Variants in CREB5 observed in about 807,000 individuals in gnomAD.
CREB5 encodes the protein cAMP responsive element binding protein 5, also known as cyclic AMP-responsive element-binding protein 5.
CREB5 carries 19 observed loss-of-function variants against 57.1 expected under a neutral mutation model. The observed-to-expected ratio is 0.33, with a 90% CI of 0.23 to 0.49. CREB5 has a LOEUF of 0.49. CREB5 is among the 20% of genes least tolerant of loss of function. The pLI, the probability that CREB5 is intolerant of heterozygous loss-of-function variation, is 0.99. For missense variants in CREB5, 579 were observed against 671.6 expected, an observed-to-expected ratio of 0.86 and a Z score of 1.52; for synonymous variants, 238 against 238.3, an observed-to-expected ratio of 1.00 and a Z score of 0.01.
intron 4 of CREB5, among the ~76,000 whole-genome samples, chr7:28,548,217 G>A (rs918742597): frequency 2.0e-5 from 3 of 152,110 alleles, no homozygotes; most frequent in African/African-American, 7.2e-5. Context: ...GACGTTCTGT[G>A]CCTTGAAACT....
intron 4 of CREB5, among the ~76,000 whole-genome samples, chr7:28,517,546 G>A (rs890125869): frequency 6.6e-6 from 1 of 152,184 alleles, no homozygotes; most frequent in Non-Finnish European, 1.5e-5. Context: ...TAGGAAAGTT[G>A]ATCAAACGGT....
At chr7:28,312,532 C>T (rs1439052680) in intron 1 of CREB5, among the ~76,000 whole-genome samples, 6 of 152,056 alleles carry the variant, frequency 3.9e-5, no homozygotes, top group Admixed American at 1.3e-4. Flanking sequence ...CGGGTGGAGG[C>T]GAAGGAACGT....
chr7:28,816,506 A>C (rs1809447218), intron 9 of CREB5, among the ~76,000 whole-genome samples: 2 of 152,236 alleles, frequency 1.3e-5, no homozygotes, highest in African/African-American at 4.8e-5. Context: ...TGTAAAAATA[A>C]AGTTTGGAAG....
intron 5 of CREB5, among the ~76,000 whole-genome samples, chr7:28,628,713 T>C (rs983351703): frequency 6.6e-6 from 1 of 152,186 alleles, no homozygotes; most frequent in African/African-American, 2.4e-5. Context: ...CTGCATGTTA[T>C]TGATTTTCAT....
intron 7 of CREB5, among the ~76,000 whole-genome samples, chr7:28,771,480 C>A (rs1806319122): frequency 6.6e-6 from 1 of 152,146 alleles, no homozygotes; most frequent in Non-Finnish European, 1.5e-5. Flanking sequence ...ATTAGGGCCC[C>A]TCATCCTCTT....
chr7:28,395,026 A>G (rs1787308799), intron 1 of CREB5, among the ~76,000 whole-genome samples: 1 of 152,170 alleles, frequency 6.6e-6, no homozygotes, highest in South Asian at 2.1e-4. Context: ...CTGAAGGGGG[A>G]AAAGGATGAC....
At chr7:28,396,585 T>G (rs976439365) in intron 1 of CREB5, among the ~76,000 whole-genome samples, 2 of 152,218 alleles carry the variant, frequency 1.3e-5, no homozygotes, top group African/African-American at 4.8e-5. Flanking sequence ...AGTCATGATG[T>G]CAGGAGGATA....
intron 1 of CREB5, among the ~76,000 whole-genome samples, chr7:28,336,851 G>C (rs1785832625): frequency 6.6e-6 from 1 of 151,148 alleles, no homozygotes. Flanking sequence ...TTCCCTCTTA[G>C]TACTGCTTTT....
chr7:28,304,895 A>G (rs905159043), intron 1 of CREB5, among the ~76,000 whole-genome samples: 2 of 152,222 alleles, frequency 1.3e-5, no homozygotes, highest in Admixed American at 6.5e-5. Context: ...CTGGAAGAAT[A>G]TACACTGAAG....
At chr7:28,401,889 T>C (rs1242390590) in intron 1 of CREB5, among the ~76,000 whole-genome samples, 1 of 152,242 alleles carries the variant, frequency 6.6e-6, no homozygotes. Context: ...CTTGTGTCTT[T>C]ATAGCAGCAT....
intron 5 of CREB5, among the ~76,000 whole-genome samples, chr7:28,713,829 A>G (rs368968845): frequency 2.0e-5 from 3 of 152,300 alleles, no homozygotes; most frequent in East Asian, 3.9e-4. Context: ...TTTAATAACA[A>G]TGACATCTGG....
intron 5 of CREB5, among the ~76,000 whole-genome samples, chr7:28,651,741 T>C (rs548722185): frequency 6.6e-6 from 1 of 152,328 alleles, no homozygotes; most frequent in East Asian, 1.9e-4. Context: ...CAAGGTGCTG[T>C]TTTGCATTCT....
rs188571923 is a variant in CREB5, at chr7:28,533,770, G to A, written c.291+26033G>A. Among the ~76,000 whole-genome samples, 324 of 152,274 alleles carry A rather than the reference G, an allele frequency of 2.1e-3. 1 individual carries two copies. The highest frequency in any genetic ancestry group is 4.1e-3 in the Non-Finnish European group (278 of 68,028). On this transcript the variant is annotated intron_variant, in intron 4 of 10. Transcript: ENST00000357727. ...ACTTCTTGATACAGCAACCAAACCT[G>A]AATATATTGTGAGGTTCCCATCCCA...
In CREB5 at chr7:28,814,306, T is replaced by G. The variant is rs1259479587; in HGVS notation, c.1255-3765T>G. On this transcript the variant is annotated intron_variant, in intron 9 of 10. Coordinates refer to ENST00000357727, the MANE Select transcript of CREB5 (RefSeq NM_182898.4). Reference sequence around the variant, plus strand: ...ATGCATGTGCACAGCACACAATTCATTCTTCTTTCTCTAGGATAGTGATTC... The same window carrying G: ...ATGCATGTGCACAGCACACAATTCAGTCTTCTTTCTCTAGGATAGTGATTC... 3.9e-5 allele frequency among the ~76,000 whole-genome samples: 6 copies of G among 152,382 alleles called. No individual in the cohort carries two copies. In the South Asian group the frequency reaches 6.2e-4, roughly 16 times the overall value.
At chr7:28,799,663 A>T (rs1011752846) in intron 7 of CREB5, among the ~76,000 whole-genome samples, 7 of 152,192 alleles carry the variant, frequency 4.6e-5, no homozygotes. Context: ...TCCTACATAG[A>T]TTTTTTTATT....
At chr7:28,417,965 A>G (rs1788090587) in intron 1 of CREB5, among the ~76,000 whole-genome samples, 1 of 152,190 alleles carries the variant, frequency 6.6e-6, no homozygotes, top group Non-Finnish European at 1.5e-5. Flanking sequence ...TTAGGATTTG[A>G]TTTACATGTA....
At position 28,472,525 on chromosome 7, in the gene CREB5, G is replaced by A. The variant is rs76403907; in HGVS notation, c.4-15650G>A. On this transcript the variant is annotated intron_variant, in intron 1 of 10. Coordinates refer to ENST00000357727, the MANE Select transcript of CREB5 (RefSeq NM_182898.4). ...GGCCGGTGGTGGCTATGTCACAGGG[G>A]CTGTGTTCTTTCTACCCCTCACCGC... Among the ~76,000 whole-genome samples, 681 of 152,198 alleles carry A rather than the reference G, an allele frequency of 4.5e-3. 4 individuals are homozygous for A. Among genetic ancestry groups the A allele is most frequent in the Non-Finnish European group, 7.4e-3 (501 of 67,994 alleles).
intron 1 of CREB5, among the ~76,000 whole-genome samples, chr7:28,450,709 A>C (rs1583477385): frequency 6.6e-6 from 1 of 152,214 alleles, no homozygotes; most frequent in African/African-American, 2.4e-5. Flanking sequence ...GGGTGGCAGG[A>C]GATAAGCACT....
chr7:28,562,469 G>A (rs181101019), intron 4 of CREB5, among the ~76,000 whole-genome samples: 72 of 152,344 alleles, frequency 4.7e-4, no homozygotes, highest in Middle Eastern at 3.4e-3. Flanking sequence ...CTGGGGATTG[G>A]AGGGGAGCCT....
Sources: gnomAD v4.1 joint callset for allele counts (sites outside exome capture counted in the v4.1 genomes callset) on GRCh38, gnomAD v4.1.1 for gene constraint, MANE v1.5 for transcripts, NCBI Gene and HGNC (gene_info 2026-07-23, HGNC 2026-07-21) for gene names.